STIM2: variants seen among roughly 807,000 people sequenced by gnomAD.
The protein encoded by STIM2 is stromal interaction molecule 2.
Under a neutral mutation model 85.8 loss-of-function variants are expected in STIM2, and 31 were observed. The observed-to-expected ratio is 0.36, with a 90% CI of 0.27 to 0.49. The LOEUF is 0.49. STIM2 is among the 20% of genes least tolerant of loss of function. The pLI is 0.98. For missense variants in STIM2, 841 were observed against 927.6 expected, an observed-to-expected ratio of 0.91 and a Z score of 1.21; for synonymous variants, 356 against 331.1, an observed-to-expected ratio of 1.08 and a Z score of -0.82.
intron 1 of STIM2, among the ~76,000 whole-genome samples, chr4:26,872,554 T>A (rs1050603841): frequency 2.0e-5 from 3 of 152,208 alleles, no homozygotes; most frequent in African/African-American, 7.2e-5. Context: ...TTTATAGATA[T>A]GTATGCATAT....
intron 1 of STIM2, among the ~76,000 whole-genome samples, chr4:26,871,382 A>C (rs938799481): frequency 2.0e-5 from 3 of 152,206 alleles, no homozygotes; most frequent in African/African-American, 7.2e-5. Flanking sequence ...ATTGTGATTA[A>C]TGTTACATTG....
At chr4:26,922,734 T>A (rs1005311006) in intron 2 of STIM2, among the ~76,000 whole-genome samples, 1 of 152,128 alleles carries the variant, frequency 6.6e-6, no homozygotes, top group Non-Finnish European at 1.5e-5. Context: ...ACCCTCTAAT[T>A]ACTTGGTCTT....
chr4:27,002,658 A>G (rs1373413710), intron 6 of STIM2, among the ~76,000 whole-genome samples: 2 of 152,210 alleles, frequency 1.3e-5, no homozygotes, highest in Non-Finnish European at 2.9e-5. Context: ...TTTTATTTTT[A>G]ACTTGATTTA....
At chr4:26,968,171 CA>C (rs1289551506) in intron 3 of STIM2, among the ~76,000 whole-genome samples, 1 of 151,302 alleles carries the variant, frequency 6.6e-6, no homozygotes, top group Non-Finnish European at 1.5e-5. Flanking sequence ...ACCCTGTATC[CA>C]AAAAAAATCA....
intron 1 of STIM2, among the ~76,000 whole-genome samples, chr4:26,885,000 G>A (rs1032644901): frequency 6.6e-5 from 10 of 152,076 alleles, no homozygotes; most frequent in African/African-American, 1.9e-4. Context: ...CAAACATTTT[G>A]GAGTCAAATT....
intron 1 of STIM2, among the ~76,000 whole-genome samples, chr4:26,868,313 C>CAT (rs1172919756): frequency 3.9e-5 from 6 of 152,112 alleles, no homozygotes; most frequent in Non-Finnish European, 8.8e-5. Flanking sequence ...TTTTTGTGTG[C>CAT]TTATGGATCT....
chr4:26,910,776 A>G (rs1246276128), intron 1 of STIM2, among the ~76,000 whole-genome samples: 4 of 152,190 alleles, frequency 2.6e-5, no homozygotes, highest in Non-Finnish European at 5.9e-5. Flanking sequence ...GTTCCCACCT[A>G]TAGAGAGGCT....
At chr4:26,874,039 A>G (rs1560189850) in intron 1 of STIM2, 1 of 689,706 alleles carries the variant, frequency 1.4e-6, no homozygotes, top group East Asian at 3.0e-5. Flanking sequence ...ACTTGGTGTC[A>G]GGACTCCTGG....
At chr4:26,991,697 A>G (rs570293422) in intron 3 of STIM2, among the ~76,000 whole-genome samples, 10 of 152,216 alleles carry the variant, frequency 6.6e-5, no homozygotes, top group African/African-American at 2.4e-4. Context: ...ACATATGTAT[A>G]ACATCAATTT....
At chr4:26,879,775 A>T (rs1301644014) in intron 1 of STIM2, among the ~76,000 whole-genome samples, 1 of 152,234 alleles carries the variant, frequency 6.6e-6, no homozygotes, top group East Asian at 1.9e-4. Flanking sequence ...TTAGCTTTGT[A>T]AGTAATGATT....
rs2109417187 is a variant in STIM2, at chr4:26,860,985, G to A, written c.-234G>A. ...GAACGCAGCCGGGATCAGAGCTCCG[G>A]AGGCCGCCGGTGCCGATGGGACCAG... On this transcript the variant is annotated 5_prime_UTR_variant, in exon 1 of 12. Coordinates refer to ENST00000467087, the MANE Select transcript of STIM2 (RefSeq NM_020860.4). 1 of 1,293,230 alleles carries A rather than the reference G, an allele frequency of 7.7e-7. No homozygotes were observed. The highest frequency in any genetic ancestry group is 9.9e-7 in the Non-Finnish European group (1 of 1,009,932). 80.1% of individuals were successfully genotyped at this position (1,293,230 alleles called of 1,614,324 possible).
At chr4:26,968,176 A>G (rs901652514) in intron 3 of STIM2, among the ~76,000 whole-genome samples, 1 of 152,118 alleles carries the variant, frequency 6.6e-6, no homozygotes, top group African/African-American at 2.4e-5. Context: ...GTATCCAAAA[A>G]AAATCATTAA....
intron 2 of STIM2, among the ~76,000 whole-genome samples, chr4:26,930,226 T>C (rs992500271): frequency 1.3e-5 from 2 of 152,196 alleles, no homozygotes; most frequent in African/African-American, 2.4e-5. Flanking sequence ...GGTCAACAAA[T>C]AATTTAAATA....
At chr4:26,874,352 G>C (rs1722738997) in intron 1 of STIM2, 1 of 287,392 alleles carries the variant, frequency 3.5e-6, no homozygotes, top group Non-Finnish European at 7.2e-6. Context: ...GAAGCCATCT[G>C]CCTGCCCAAG....
At chr4:26,883,220 G>A (rs1371525334) in intron 1 of STIM2, among the ~76,000 whole-genome samples, 1 of 144,538 alleles carries the variant, frequency 6.9e-6, no homozygotes, top group East Asian at 2.3e-4. Context: ...AGAGGGGAGG[G>A]TTGGGAGGGA....
chr4:26,887,342 G>A (rs1723296173), intron 1 of STIM2, among the ~76,000 whole-genome samples: 1 of 151,900 alleles, frequency 6.6e-6, no homozygotes, highest in South Asian at 2.1e-4. Flanking sequence ...AGATCACACC[G>A]TGCTGTTACA....
At chr4:26,864,943 T>TTAG (rs2109422709) in intron 1 of STIM2, among the ~76,000 whole-genome samples, 1 of 152,298 alleles carries the variant, frequency 6.6e-6, no homozygotes, top group African/African-American at 2.4e-5. Flanking sequence ...TTTATTTTTA[T>TTAG]TAGTAGTTGG....
chr4:26,952,764 G>A (rs1023267438), intron 2 of STIM2, among the ~76,000 whole-genome samples: 2 of 152,090 alleles, frequency 1.3e-5, no homozygotes, highest in Admixed American at 1.3e-4. Flanking sequence ...TAAGAGTTTA[G>A]GATCCATGCA....
chr4:26,876,178 A>C (rs1722808865), intron 1 of STIM2, among the ~76,000 whole-genome samples: 1 of 152,186 alleles, frequency 6.6e-6, no homozygotes, highest in African/African-American at 2.4e-5. Flanking sequence ...GGGTAAACTT[A>C]TTTAAGAAGT....
Sources: gnomAD v4.1 joint callset for allele counts (sites outside exome capture counted in the v4.1 genomes callset) on GRCh38, gnomAD v4.1.1 for gene constraint, MANE v1.5 for transcripts, NCBI Gene and HGNC (gene_info 2026-07-23, HGNC 2026-07-21) for gene names.